The following TRAF3IP2 variants were observed in gnomAD, a reference collection of about 807,000 sequenced individuals.
TRAF3IP2 encodes the protein E3 ubiquitin ligase TRAF3IP2.
Under a neutral mutation model 57.9 loss-of-function variants are expected in TRAF3IP2, and 35 were observed. That is an observed-to-expected ratio of 0.60 (90% CI 0.46 to 0.80). TRAF3IP2 has a LOEUF of 0.80. TRAF3IP2 is among the 30% of genes least tolerant of loss of function. The pLI is 0.00. For synonymous variants in TRAF3IP2, 251 were observed against 268.9 expected, an observed-to-expected ratio of 0.93 and a Z score of 0.65; for missense variants, 556 against 706.4, an observed-to-expected ratio of 0.79 and a Z score of 2.41.
At chr6:111,593,021 T>G (rs2128382945) in intron 1 of TRAF3IP2, among the ~76,000 whole-genome samples, 1 of 152,280 alleles carries the variant, frequency 6.6e-6, no homozygotes, top group East Asian at 1.9e-4. Flanking sequence ...TTAATTCACC[T>G]AACACAATGA....
In TRAF3IP2 at chr6:111,559,290, C is replaced by T. The variant is rs1016412351; in HGVS notation, c.*115G>A. The T allele has an allele frequency of 4.9e-6, 7 of 1,434,044 alleles. No individual in the cohort carries two copies. The highest frequency in any genetic ancestry group is 2.8e-5 in the South Asian group (2 of 71,664). The allele number at this position is 1,434,044 out of a possible 1,614,324, so 88.8% of individuals were successfully genotyped here. A position where few individuals can be genotyped will look rare whatever the true frequency, so the allele number is the denominator to read the frequency against. ...GTTTCCTGGGGGCCAGAGGGCCTCTCGGGGAGGAACAGAAAAAAACCAGCC... is the reference window on the plus strand; with the variant it reads ...GTTTCCTGGGGGCCAGAGGGCCTCTTGGGGAGGAACAGAAAAAAACCAGCC... On this transcript the variant is annotated 3_prime_UTR_variant, in exon 9 of 9. Transcript: ENST00000368761.
intron 3 of TRAF3IP2, chr6:111,577,155 T>C (rs1345737280): frequency 3.3e-5 from 5 of 151,190 alleles, no homozygotes; most frequent in African/African-American, 7.3e-5. Flanking sequence ...TTTTCTTTTT[T>C]TTTTTTATTT....
At chr6:111,565,197 A>C (rs1795592078) in intron 7 of TRAF3IP2, 1 of 152,064 alleles carries the variant, frequency 6.6e-6, no homozygotes, top group Non-Finnish European at 1.5e-5. Context: ...GACCATGAAG[A>C]CTCAGATGGG....
chr6:111,556,154 G>A lies in TRAF3IP2; in HGVS notation c.*3251C>T, dbSNP rs1795234330. On this transcript the variant is annotated 3_prime_UTR_variant, in exon 9 of 9. Coordinates refer to ENST00000368761, the MANE Select transcript of TRAF3IP2 (RefSeq NM_147686.4). The stretch of plus-strand genomic sequence containing the variant: ...ATGTTGGTGGTCATCGGATCTCATA[G>A]AAATTTCAGGGGCCAAGCTTTTGTC... Among the ~76,000 whole-genome samples, 1 of 150,880 alleles carries A rather than the reference G, an allele frequency of 6.6e-6. No homozygotes were observed. Among genetic ancestry groups the A allele is most frequent in the Admixed American group, 6.6e-5 (1 of 15,146 alleles).
In TRAF3IP2 at chr6:111,558,123, G is replaced by A. The variant is rs1795308014; in HGVS notation, c.*1282C>T. Reference sequence around the variant, plus strand: ...GAAAACTCAGTCACTCCTCAAAAGAGTATTTAGAATTTAGGTCCTAGACTT... The same window carrying A: ...GAAAACTCAGTCACTCCTCAAAAGAATATTTAGAATTTAGGTCCTAGACTT... On this transcript the variant is annotated 3_prime_UTR_variant, in exon 9 of 9. Coordinates refer to ENST00000368761, the MANE Select transcript of TRAF3IP2 (RefSeq NM_147686.4). 1 of 152,138 alleles carries A rather than the reference G, an allele frequency of 6.6e-6. No individual in the cohort carries two copies. The highest frequency in any genetic ancestry group is 2.1e-4 in the South Asian group (1 of 4,830). The allele number at this position is 152,138 out of a possible 1,614,324, so 9.4% of individuals were successfully genotyped here.
Position 111,567,146 on chromosome 6 carries a change from C to G in TRAF3IP2, c.1359+478G>C, listed in dbSNP as rs1264737505. On this transcript the variant is annotated intron_variant, in intron 6 of 8. Coordinates refer to ENST00000368761, the MANE Select transcript of TRAF3IP2 (RefSeq NM_147686.4). ...GCAATCAATTTCGATCTTGTTAAAG[C>G]ACAACGTGTCCCAGTGGCCGGTATA... 1.8e-5 allele frequency: 18 copies of G among 995,230 alleles called. No individual in the cohort carries two copies. The South Asian group carries it at 7.7e-4, about 43-fold the overall frequency. The allele number at this position is 995,230 out of a possible 1,614,324, so 61.6% of individuals were successfully genotyped here.
chr6:111,559,238 T>G lies in TRAF3IP2; in HGVS notation c.*167A>C. On this transcript the variant is annotated 3_prime_UTR_variant, in exon 9 of 9. Coordinates refer to ENST00000368761, the MANE Select transcript of TRAF3IP2 (RefSeq NM_147686.4). The stretch of plus-strand genomic sequence containing the variant: ...ACTTCAAAGCCAGGGTGTGTGGAGG[T>G]CTCCGGGGAAGAGCTCTGCACAACA... 1.2e-6 allele frequency: 1 copy of G among 850,782 alleles called. No individual in the cohort carries two copies. The highest frequency in any genetic ancestry group is 1.8e-6 in the Non-Finnish European group (1 of 564,906). The allele number at this position is 850,782 out of a possible 1,614,324, so 52.7% of individuals were successfully genotyped here. A position where few individuals can be genotyped will look rare whatever the true frequency, so the allele number is the denominator to read the frequency against.
At position 111,603,084 on chromosome 6, in the gene TRAF3IP2, G is replaced by GCACA. The variant is rs3066041; in HGVS notation, c.-9+2688_-9+2691dup. On this transcript the variant is annotated intron_variant, in intron 1 of 8. Coordinates refer to ENST00000368761, the MANE Select transcript of TRAF3IP2 (RefSeq NM_147686.4). ...GAAGGTCTGTGCACACACAAGGTGT[G>GCACA]CACACACACACACACACACACACAC... Among the ~76,000 whole-genome samples, 723 of 149,958 alleles carry GCACA rather than the reference G, an allele frequency of 4.8e-3. 7 individuals are homozygous for GCACA. Among genetic ancestry groups the GCACA allele is most frequent in the African/African-American group, 0.017 (677 of 40,802 alleles).
rs757368138 is a variant in TRAF3IP2 at position 111,591,496 on chromosome 6, C to T, written c.591G>A (p.Thr197=). Reference sequence around the variant, plus strand: ...CATCCTGGGGCTGGGAATCATATCCCGTGTCTATGGTTGGCAGATCCAGGC... The same window carrying T: ...CATCCTGGGGCTGGGAATCATATCCTGTGTCTATGGTTGGCAGATCCAGGC... ...RAGLDLPTID[T]GYDSQPQDVL... is the part of the protein sequence containing the mutation. The change falls in exon 2 of 9, where the codon ACG becomes ACA. Residue 197 remains threonine, a synonymous_variant. Transcript: ENST00000368761. This position sits in a 1 kb window ranked among gnomAD's most constrained non-coding sequence, Gnocchi z 4.9. 10 of 1,610,180 alleles carry T rather than the reference C, an allele frequency of 6.2e-6. No individual in the cohort carries two copies. The highest frequency in any genetic ancestry group is 1.3e-5 in the African/African-American group (1 of 74,790).
chr6:111,601,544 A>G (rs1482479383), intron 1 of TRAF3IP2: 1 of 237,106 alleles, frequency 4.2e-6, no homozygotes, highest in African/African-American at 2.2e-5. Flanking sequence ...AGCAAGGAAC[A>G]GAGGAAGGAC....
chr6:111,556,268 C>T lies in TRAF3IP2; in HGVS notation c.*3137G>A, dbSNP rs1795239659. ...TTGGTTTGTTTTTTTGCTACCAGTG[C>T]TACCAGCTGTAACACTTTAATGACT... On this transcript the variant is annotated 3_prime_UTR_variant, in exon 9 of 9. Transcript: ENST00000368761. Among the ~76,000 whole-genome samples, 1 of 151,900 alleles carries T rather than the reference C, an allele frequency of 6.6e-6. No individual in the cohort carries two copies. The highest frequency in any genetic ancestry group is 6.6e-5 in the Admixed American group (1 of 15,236).
At chr6:111,567,090 A>G (rs1243690302) in intron 6 of TRAF3IP2, 1 of 823,332 alleles carries the variant, frequency 1.2e-6, no homozygotes, top group African/African-American at 1.9e-5. Context: ...GGCTCCCTCC[A>G]AAAGAAGCAG....
intron 7 of TRAF3IP2, among the ~76,000 whole-genome samples, chr6:111,565,827 T>C (rs191186147): frequency 1.3e-5 from 2 of 152,334 alleles, no homozygotes; most frequent in African/African-American, 4.8e-5. Context: ...CTCCCTTCCC[T>C]TGTTTGAGCA....
At chr6:111,564,964 C>A (rs2128370577) in intron 7 of TRAF3IP2, among the ~76,000 whole-genome samples, 1 of 152,304 alleles carries the variant, frequency 6.6e-6, no homozygotes, top group Admixed American at 6.5e-5. Context: ...CCGGCAGCAC[C>A]CCGAGCCAGC....
At chr6:111,568,683 G>C (rs1003060346) in intron 5 of TRAF3IP2, among the ~76,000 whole-genome samples, 1 of 152,150 alleles carries the variant, frequency 6.6e-6, no homozygotes, top group Admixed American at 6.5e-5. Flanking sequence ...TTGGGAGGCC[G>C]TGGCAGGCAG....
At chr6:111,566,902 C>A in intron 6 of TRAF3IP2, 1 of 360,540 alleles carries the variant, frequency 2.8e-6, no homozygotes, top group South Asian at 2.3e-5. Flanking sequence ...GTAAGAAGCA[C>A]CCTCCCTCCC....
intron 1 of TRAF3IP2, among the ~76,000 whole-genome samples, chr6:111,595,827 CAAAA>C (rs569836365): frequency 3.2e-5 from 3 of 92,880 alleles, no homozygotes; most frequent in African/African-American, 4.0e-5. Context: ...GACTCTGTCT[CAAAA>C]AAAAAAAAAA....
intron 2 of TRAF3IP2, among the ~76,000 whole-genome samples, chr6:111,584,709 C>CT (rs113939009): frequency 0.73 from 110,054 of 151,418 alleles, 40,771 homozygotes; most frequent in Admixed American, 0.81. Context: ...AAATGACCAT[C>CT]ATTTCACTGC....
chr6:111,569,323 A>G (rs1293173414), intron 5 of TRAF3IP2, among the ~76,000 whole-genome samples: 3 of 152,256 alleles, frequency 2.0e-5, no homozygotes, highest in African/African-American at 7.2e-5. Context: ...AAATGTTACT[A>G]AAACTCTCTA....
Sources: gnomAD v4.1 joint callset for allele counts (sites outside exome capture counted in the v4.1 genomes callset) on GRCh38, gnomAD v4.1.1 for gene constraint, Gnocchi (gnomAD v3.1) non-coding constraint, MANE v1.5 for transcripts, NCBI Gene and HGNC (gene_info 2026-07-23, HGNC 2026-07-21) for gene names.